NRXN1: variants seen among roughly 807,000 people sequenced by gnomAD.
NRXN1 encodes neurexin 1.
In NRXN1, 39 loss-of-function variants were observed where a neutral mutation model predicts 150.9. That is an observed-to-expected ratio of 0.26 (90% confidence interval 0.20 to 0.34). NRXN1 has a LOEUF of 0.34. NRXN1 is among the 10% of genes least tolerant of loss of function. The probability of loss-of-function intolerance (pLI) is 1.00; values close to 1 mark genes in which losing one functional copy is unlikely to be tolerated. For missense variants in NRXN1, 1,815 were observed against 1,949.9 expected, an observed-to-expected ratio of 0.93 and a Z score of 1.30; for synonymous variants, 924 against 757.0, an observed-to-expected ratio of 1.22 and a Z score of -3.62.
At chr2:50,882,634 TGCCCACAGTATTTTTATTGTCACCATCA>T (rs1340496909) in intron 5 of NRXN1, among the ~76,000 whole-genome samples, 1 of 151,844 alleles carries the variant, frequency 6.6e-6, no homozygotes, top group Non-Finnish European at 1.5e-5. Flanking sequence ...AACCCACAGG[TGCCCACAGTATTTTTATTGTCACCATCA>T]GTAGTGTTCT....
intron 17 of NRXN1, among the ~76,000 whole-genome samples, chr2:50,276,141 C>CA (rs1356128828): frequency 6.6e-6 from 1 of 151,918 alleles, no homozygotes; most frequent in Admixed American, 6.6e-5. Flanking sequence ...ACAACCACAA[C>CA]AAAAAAAGGC....
rs372283856 is a variant in NRXN1, at chr2:50,680,135, CA to C, written c.833-56521del. Among the ~76,000 whole-genome samples, 667 of 152,030 alleles carry C rather than the reference CA, an allele frequency of 4.4e-3. 4 individuals carry two copies. Among genetic ancestry groups the C allele is most frequent in the African/African-American group, 0.015 (619 of 41,484 alleles). On this transcript the variant is annotated intron_variant, in intron 5 of 22. Transcript: ENST00000401669. ...CTGCACTCTAGCCTGGGCAACAGAG[CA>C]AAGACCCTGTCTCAAAAATTGAATT...
In NRXN1 at chr2:50,096,657, G is replaced by C. The variant is rs4398304; in HGVS notation, c.3547-5163C>G. On this transcript the variant is annotated intron_variant, in intron 18 of 22. Coordinates refer to ENST00000401669, the MANE Select transcript of NRXN1 (RefSeq NM_001330078.2). ...TCAAAAATCTCTTATAAGAATATCA[G>C]TAACGAGGCATTTATAATTTAATGA... Among the ~76,000 whole-genome samples the C allele has an allele frequency of 4.4e-3, 669 of 152,244 alleles. 5 individuals are homozygous for C. Among genetic ancestry groups the C allele is most frequent in the Non-Finnish European group, 7.0e-3 (474 of 68,016 alleles).
At chr2:50,494,485 T>C (rs1251299810) in intron 15 of NRXN1, among the ~76,000 whole-genome samples, 2 of 152,158 alleles carry the variant, frequency 1.3e-5, no homozygotes, top group Admixed American at 1.3e-4. Context: ...AGAAAGAGGT[T>C]TGGCCTGTAA....
intron 22 of NRXN1, among the ~76,000 whole-genome samples, chr2:49,926,663 A>T (rs185973749): frequency 1.3e-5 from 2 of 152,332 alleles, no homozygotes; most frequent in East Asian, 1.9e-4. Context: ...GTAAAAAAAA[A>T]TCTTTAAGAT....
At chr2:50,297,169 G>A (rs895046725) in intron 17 of NRXN1, among the ~76,000 whole-genome samples, 6 of 152,134 alleles carry the variant, frequency 3.9e-5, no homozygotes, top group South Asian at 2.1e-4. Context: ...GATTACAGGC[G>A]TGAGCCACCG....
chr2:50,106,724 ATC>A (rs1462035628), intron 18 of NRXN1, among the ~76,000 whole-genome samples: 1 of 151,964 alleles, frequency 6.6e-6, no homozygotes, highest in Non-Finnish European at 1.5e-5. Context: ...AAACTTTGTG[ATC>A]ACAAGTTATT....
At chr2:50,761,392 T>C (rs1255037397) in intron 5 of NRXN1, among the ~76,000 whole-genome samples, 1 of 151,816 alleles carries the variant, frequency 6.6e-6, no homozygotes, top group Non-Finnish European at 1.5e-5. Context: ...ATAAGTCTCA[T>C]GAGATGTGAT....
At chr2:50,506,725 G>A in intron 12 of NRXN1, 108 bp from the exon 13 acceptor site, 4 of 1,042,318 alleles carry the variant, frequency 3.8e-6, no homozygotes, top group East Asian at 2.6e-5. Flanking sequence ...GGGAGAGAGA[G>A]GAGAGAAAGA....
At chr2:50,284,636 C>T (rs1445200077) in intron 17 of NRXN1, among the ~76,000 whole-genome samples, 2 of 152,174 alleles carry the variant, frequency 1.3e-5, no homozygotes, top group African/African-American at 4.8e-5. Flanking sequence ...TATCCTTACT[C>T]ACCAAACCAA....
chr2:49,991,809 G>T (rs539177355), intron 21 of NRXN1, among the ~76,000 whole-genome samples: 16 of 152,284 alleles, frequency 1.1e-4, no homozygotes, highest in Admixed American at 3.3e-4. Context: ...GAAGAACAAA[G>T]TTGAAGGACT....
At chr2:50,638,645 T>A (rs566101553) in intron 5 of NRXN1, among the ~76,000 whole-genome samples, 1 of 152,164 alleles carries the variant, frequency 6.6e-6, no homozygotes, top group Non-Finnish European at 1.5e-5. Flanking sequence ...CAGGCTCCAA[T>A]TGCTTTTTTT....
chr2:50,363,042 A>G (rs1413457102), intron 17 of NRXN1, among the ~76,000 whole-genome samples: 1 of 152,228 alleles, frequency 6.6e-6, no homozygotes. Context: ...AGCCATATTC[A>G]GAAAACTGAA....
chr2:50,361,875 G>C (rs1412981325), intron 17 of NRXN1, among the ~76,000 whole-genome samples: 1 of 152,124 alleles, frequency 6.6e-6, no homozygotes, highest in Admixed American at 6.6e-5. Context: ...ACTGAATCCA[G>C]CAGCACATCA....
chr2:50,524,947 T>C (rs913194775), intron 12 of NRXN1, among the ~76,000 whole-genome samples: 1 of 152,164 alleles, frequency 6.6e-6, no homozygotes, highest in East Asian at 1.9e-4. Flanking sequence ...AAACTTGAAA[T>C]TGAGACCATC....
chr2:50,810,088 C>G (rs1272317098), intron 5 of NRXN1, among the ~76,000 whole-genome samples: 2 of 152,074 alleles, frequency 1.3e-5, no homozygotes, highest in East Asian at 3.9e-4. Context: ...TTCATTGTTC[C>G]CTCTTACCCT....
chr2:50,952,297 C>A (rs1464312770), intron 2 of NRXN1, among the ~76,000 whole-genome samples: 1 of 151,802 alleles, frequency 6.6e-6, no homozygotes, highest in Non-Finnish European at 1.5e-5. Flanking sequence ...AATATGAGAC[C>A]CTGTCAAAAA....
intron 2 of NRXN1, among the ~76,000 whole-genome samples, chr2:51,000,375 C>T (rs546117482): frequency 2.6e-5 from 4 of 152,014 alleles, no homozygotes; most frequent in African/African-American, 7.2e-5. Flanking sequence ...TATTATCTGC[C>T]TTCCCACCTG....
rs544903218 is a variant in NRXN1, at chr2:50,139,496, T to G, written c.3547-48002A>C. On this transcript the variant is annotated intron_variant, in intron 18 of 22. Coordinates refer to ENST00000401669, the MANE Select transcript of NRXN1 (RefSeq NM_001330078.2). ...AACAATTACTTTTGCTAGATAAAGT[T>G]AGGGCAAAAGTATGACGGACAGCTG... Among the ~76,000 whole-genome samples the G allele has an allele frequency of 1.1e-4, 16 of 152,270 alleles. No homozygotes were observed. In the South Asian group the frequency reaches 1.7e-3, roughly 16 times the overall value.
Sources: allele counts gnomAD v4.1 joint callset (sites outside exome capture counted in the v4.1 genomes callset), GRCh38; gene constraint gnomAD v4.1.1; transcripts MANE v1.5; gene names NCBI Gene and HGNC (gene_info 2026-07-23, HGNC 2026-07-21).